The following DIS3L2 variants were observed in gnomAD, a reference collection of about 807,000 sequenced individuals.
The protein encoded by DIS3L2 is DIS3-like exonuclease 2.
A neutral mutation model predicts 97.5 loss-of-function variants in DIS3L2; 34 were observed. That is an observed-to-expected ratio of 0.35 (90% CI 0.27 to 0.46). The LOEUF (loss-of-function observed/expected upper bound fraction) is 0.46, where lower values mean the gene tolerates loss of function less well. Ranked by LOEUF, DIS3L2 falls within the 20% of genes least tolerant of loss-of-function variation. The pLI, the probability that DIS3L2 is intolerant of heterozygous loss-of-function variation, is 1.00. For missense variants in DIS3L2, 1,038 were observed against 1,146.0 expected (o/e 0.91, Z 1.36); for synonymous variants, 435 against 445.2 (o/e 0.98, Z 0.29).
rs1026713821 is a variant in DIS3L2 at position 232,276,542 on chromosome 2, A to G, written c.1659+13102A>G. ...GTGGAGTTCTGTCCTGTTTGCCCAG[A>G]GGCCTCGCTCAGACTTGTTCCTTTT... On this transcript the variant is annotated intron_variant, in intron 13 of 20. Transcript: ENST00000325385. The surrounding 1 kb of genome is among the most constrained non-coding windows in gnomAD (Gnocchi z 4.4). Among the ~76,000 whole-genome samples, 3 of 152,228 alleles carry G rather than the reference A, an allele frequency of 2.0e-5. No individual in the cohort carries two copies. Among genetic ancestry groups the G allele is most frequent in the African/African-American group, 7.2e-5 (3 of 41,458 alleles).
intron 13 of DIS3L2, among the ~76,000 whole-genome samples, chr2:232,295,049 C>T (rs766590010): frequency 2.0e-5 from 3 of 152,160 alleles, no homozygotes; most frequent in African/African-American, 4.8e-5. Context: ...CTCATACCTT[C>T]CTGGCAGATA....
At chr2:232,290,772 G>A (rs1165740957) in intron 13 of DIS3L2, among the ~76,000 whole-genome samples, 1 of 152,184 alleles carries the variant, frequency 6.6e-6, no homozygotes. Context: ...TACAGACGGC[G>A]CTGCAGGGAG....
chr2:232,189,264 C>T (rs1691542845), intron 9 of DIS3L2, among the ~76,000 whole-genome samples: 1 of 152,154 alleles, frequency 6.6e-6, no homozygotes, highest in South Asian at 2.1e-4. Flanking sequence ...CTCAAAAAAA[C>T]CTGTACATGA....
chr2:232,111,580 C>T (rs1697535757), intron 6 of DIS3L2, among the ~76,000 whole-genome samples: 1 of 152,120 alleles, frequency 6.6e-6, no homozygotes, highest in South Asian at 2.1e-4. Context: ...GTACTGTAGC[C>T]ACCAGCCACA....
intron 8 of DIS3L2, among the ~76,000 whole-genome samples, chr2:232,140,332 T>C (rs983269013): frequency 2.6e-5 from 4 of 152,326 alleles, no homozygotes; most frequent in Non-Finnish European, 2.9e-5. Context: ...TTGTTTTACT[T>C]GGCCATGAAC....
At chr2:232,330,639 T>G in intron 15 of DIS3L2, 51 bp from the exon 16 acceptor site, 1 of 1,591,332 alleles carries the variant, frequency 6.3e-7, no homozygotes. Context: ...GCCCAGAGTC[T>G]CTGCCCGAGC....
chr2:232,159,755 T>G (rs528097079), intron 8 of DIS3L2, among the ~76,000 whole-genome samples: 1 of 152,376 alleles, frequency 6.6e-6, no homozygotes, highest in East Asian at 1.9e-4. Flanking sequence ...AGTGCTAGGA[T>G]TCTCATAGAG....
chr2:232,259,366 G>GT (rs529140382), intron 12 of DIS3L2, among the ~76,000 whole-genome samples: 12 of 152,220 alleles, frequency 7.9e-5, no homozygotes, highest in Non-Finnish European at 1.3e-4. Context: ...GCAGGCTTTG[G>GT]TAAAGAGTGA....
intron 13 of DIS3L2, among the ~76,000 whole-genome samples, chr2:232,278,729 T>C (rs979639937): frequency 1.3e-5 from 2 of 152,254 alleles, no homozygotes; most frequent in South Asian, 4.1e-4. Flanking sequence ...GAAGAATATT[T>C]GGCTAGTTTC....
chr2:232,295,438 G>C (rs1225718956), intron 13 of DIS3L2, among the ~76,000 whole-genome samples: 2 of 152,114 alleles, frequency 1.3e-5, no homozygotes, highest in African/African-American at 4.8e-5. Context: ...GCCAAGAAAG[G>C]GGTTCCACTT....
At position 232,087,570 on chromosome 2, in the gene DIS3L2, C is replaced by T. The variant is rs2106309389; in HGVS notation, c.450C>T (p.Leu150=). ...DIPEELCGHH[L]PQQSLKSYND... ...CCGAGGAGCTCTGTGGACACCATCT[C>T]CCGCAACAGTCCCTGAAAAGCTATA... is the stretch of plus-strand genomic sequence containing the variant. The change falls in exon 6 of 21, where the codon CTC becomes CTT. Residue 150 remains leucine (L), a synonymous_variant. Coordinates refer to ENST00000325385, the MANE Select transcript of DIS3L2 (RefSeq NM_152383.5). The T allele has an allele frequency of 6.2e-7, 1 of 1,614,096 alleles. No homozygotes were observed. The highest frequency in any genetic ancestry group is 8.5e-7 in the Non-Finnish European group (1 of 1,180,014).
rs368877166 is a variant in DIS3L2 at position 232,329,963 on chromosome 2, G to A, written c.1890G>A (p.Leu630=). ...TGGAATTCTGCGACCAGATGGGGCT[G>A]CCCGTGGACTTCAGCTCCGCAGGAG... is the stretch of plus-strand genomic sequence containing the variant. ...DLVEFCDQMG[L]PVDFSSAGAL... is the part of the protein sequence containing the mutation. Residue 630 remains leucine, a synonymous_variant, in exon 15 of 21, where the codon CTG becomes CTA. Coordinates refer to ENST00000325385, the MANE Select transcript of DIS3L2 (RefSeq NM_152383.5). 2 of 1,612,764 alleles carry A rather than the reference G, an allele frequency of 1.2e-6. No individual in the cohort carries two copies. The highest frequency in any genetic ancestry group is 1.7e-6 in the Non-Finnish European group (2 of 1,179,538).
chr2:232,030,778 T>C (rs147234500), intron 5 of DIS3L2, among the ~76,000 whole-genome samples: 4 of 152,310 alleles, frequency 2.6e-5, no homozygotes, highest in African/African-American at 9.6e-5. Flanking sequence ...TCTGAATTTG[T>C]CTTCATATCA....
At chr2:232,033,897 G>A (rs1694880966) in intron 5 of DIS3L2, among the ~76,000 whole-genome samples, 1 of 152,080 alleles carries the variant, frequency 6.6e-6, no homozygotes, top group Non-Finnish European at 1.5e-5. Flanking sequence ...TTTTCACATT[G>A]ATGTTCATCA....
chr2:231,965,898 G>T (rs933421217), intron 1 of DIS3L2, among the ~76,000 whole-genome samples: 8 of 150,678 alleles, frequency 5.3e-5, no homozygotes, highest in African/African-American at 2.0e-4. Flanking sequence ...GGCTTACTGT[G>T]GCCTCGACCT....
intron 13 of DIS3L2, among the ~76,000 whole-genome samples, chr2:232,272,235 T>C (rs1422969202): frequency 1.3e-5 from 2 of 152,218 alleles, no homozygotes; most frequent in Admixed American, 1.3e-4. Context: ...ATCCGACCAG[T>C]ACAGGAGGGT....
intron 9 of DIS3L2, among the ~76,000 whole-genome samples, chr2:232,166,460 CA>C (rs200641205): frequency 0.018 from 2,715 of 152,306 alleles, 27 homozygotes; most frequent in Non-Finnish European, 0.022. Flanking sequence ...CGCCGTGGCT[CA>C]ACGCCTGTAA....
chr2:232,048,003 C>T (rs918708175), intron 5 of DIS3L2, among the ~76,000 whole-genome samples: 3 of 152,076 alleles, frequency 2.0e-5, no homozygotes, highest in African/African-American at 7.2e-5. Flanking sequence ...TACTTTCTGG[C>T]TATTATGCTG....
intron 6 of DIS3L2, among the ~76,000 whole-genome samples, chr2:232,106,128 A>G (rs1288370348): frequency 6.6e-6 from 1 of 152,122 alleles, no homozygotes; most frequent in Non-Finnish European, 1.5e-5. Flanking sequence ...GTTACTTTCC[A>G]GATCAGTCCA....
Sources: allele counts gnomAD v4.1 joint callset (sites outside exome capture counted in the v4.1 genomes callset), GRCh38; gene constraint gnomAD v4.1.1; non-coding constraint Gnocchi (gnomAD v3.1); transcripts MANE v1.5; gene names NCBI Gene and HGNC (gene_info 2026-07-23, HGNC 2026-07-21).